The following ELF2 variants were observed in gnomAD, a reference collection of about 807,000 sequenced individuals.
ELF2 encodes ETS-related transcription factor Elf-2.
In ELF2, 11 loss-of-function variants were observed where a neutral mutation model predicts 54.8. The ratio of observed to expected loss-of-function variants is 0.20; its 90% CI spans 0.13 to 0.33. The LOEUF (loss-of-function observed/expected upper bound fraction) is 0.33, where lower values mean the gene tolerates loss of function less well. Among genes scored for constraint, ELF2 ranks in the 10% least tolerant of loss-of-function variants. The pLI is 1.00. For missense variants in ELF2, 513 were observed against 703.0 expected, an observed-to-expected ratio of 0.73 and a Z score of 3.06; for synonymous variants, 203 against 245.1, an observed-to-expected ratio of 0.83 and a Z score of 1.61.
chr4:139,113,426 T>A (rs950276431), intron 4 of ELF2, among the ~76,000 whole-genome samples: 12 of 151,750 alleles, frequency 7.9e-5, no homozygotes, highest in African/African-American at 2.9e-4. Flanking sequence ...GAGGGCGCGG[T>A]GGTGGGTGCC....
At chr4:139,142,056 C>T (rs527646872) in intron 1 of ELF2, among the ~76,000 whole-genome samples, 1 of 152,216 alleles carries the variant, frequency 6.6e-6, no homozygotes, top group South Asian at 2.1e-4. Flanking sequence ...TGAATAAAGG[C>T]AAAGTCCCTG....
intron 1 of ELF2, among the ~76,000 whole-genome samples, chr4:139,148,161 CATATGAATATAATTATATA>C (rs1739442386): frequency 6.7e-6 from 1 of 150,216 alleles, no homozygotes; most frequent in Non-Finnish European, 1.5e-5. Flanking sequence ...CTGGCCATTT[CATATGAATATAATTATATA>C]ATATGTGATT....
chr4:139,113,310 A>G (rs1735174571), intron 4 of ELF2, among the ~76,000 whole-genome samples: 1 of 152,186 alleles, frequency 6.6e-6, no homozygotes, highest in African/African-American at 2.4e-5. Flanking sequence ...GTGAGCCATG[A>G]TCATACCACT....
intron 1 of ELF2, among the ~76,000 whole-genome samples, chr4:139,141,815 A>G (rs951187491): frequency 6.6e-6 from 1 of 151,632 alleles, no homozygotes; most frequent in Admixed American, 6.6e-5. Context: ...GATTCTTTAC[A>G]CTCTTTCTAA....
chr4:139,122,397 T>C (rs1014486655), intron 4 of ELF2, among the ~76,000 whole-genome samples: 1 of 152,244 alleles, frequency 6.6e-6, no homozygotes, highest in African/African-American at 2.4e-5. Context: ...GAAATATGCA[T>C]ACCAATCTTT....
At chr4:139,078,770 C>T (rs529151977) in intron 4 of ELF2, among the ~76,000 whole-genome samples, 1 of 151,728 alleles carries the variant, frequency 6.6e-6, no homozygotes, top group Non-Finnish European at 1.5e-5. Flanking sequence ...AGCTATCCTC[C>T]GACCTTTTTT....
Position 139,057,544 on chromosome 4 carries a change from A to G in ELF2, c.*1439T>C. 1 of 152,234 alleles carries G rather than the reference A, an allele frequency of 6.6e-6. No individual in the cohort carries two copies. Among genetic ancestry groups the G allele is most frequent in the Middle Eastern group, 3.2e-3 (1 of 310 alleles). The allele number at this position is 152,234 out of a possible 1,614,324, so 9.4% of individuals were successfully genotyped here. ...TCCTAATCTGTAAAAGGGCTAGAAGAGTAATTGTTCTTTTTAATCCACAAA... is the reference window on the plus strand; with the variant it reads ...TCCTAATCTGTAAAAGGGCTAGAAGGGTAATTGTTCTTTTTAATCCACAAA... On this transcript the variant is annotated 3_prime_UTR_variant, in exon 10 of 10. Transcript: ENST00000686138.
At chr4:139,086,516 AAT>A (rs1345188952) in intron 4 of ELF2, among the ~76,000 whole-genome samples, 9 of 152,350 alleles carry the variant, frequency 5.9e-5, no homozygotes, top group Middle Eastern at 3.4e-3. Flanking sequence ...TGATTTATTT[AAT>A]AGTCAGGTTT....
intron 4 of ELF2, among the ~76,000 whole-genome samples, chr4:139,076,340 G>A (rs1730312662): frequency 6.6e-6 from 1 of 151,948 alleles, no homozygotes; most frequent in South Asian, 2.1e-4. Flanking sequence ...AGCCTGTGTA[G>A]CTCAACTTTA....
At chr4:139,081,885 C>A (rs1017667965) in intron 4 of ELF2, among the ~76,000 whole-genome samples, 4 of 150,416 alleles carry the variant, frequency 2.7e-5, no homozygotes, top group Non-Finnish European at 5.9e-5. Flanking sequence ...TTGAAAATAA[C>A]TGTATGTAAA....
intron 4 of ELF2, among the ~76,000 whole-genome samples, chr4:139,107,592 A>C (rs140898951): frequency 2.1e-4 from 32 of 152,324 alleles, no homozygotes; most frequent in South Asian, 8.3e-4. Flanking sequence ...ACTATAGTTA[A>C]AAGAGACAGA....
At chr4:139,154,345 GTTCTT>G (rs1262265673) in intron 1 of ELF2, among the ~76,000 whole-genome samples, 1 of 152,032 alleles carries the variant, frequency 6.6e-6, no homozygotes, top group East Asian at 1.9e-4. Flanking sequence ...GACGTATCTA[GTTCTT>G]TTCATTCTTT....
At chr4:139,116,711 G>C (rs1037700971) in intron 4 of ELF2, 9 of 985,224 alleles carry the variant, frequency 9.1e-6, no homozygotes, top group African/African-American at 1.7e-5. Flanking sequence ...ATAGGGGCTC[G>C]TTTTCAGATC....
intron 1 of ELF2, among the ~76,000 whole-genome samples, chr4:139,162,695 G>A (rs1411563880): frequency 6.6e-6 from 1 of 152,006 alleles, no homozygotes; most frequent in Non-Finnish European, 1.5e-5. Context: ...AACACCAATT[G>A]CTGAACATAA....
intron 4 of ELF2, among the ~76,000 whole-genome samples, chr4:139,083,270 C>T (rs1731424667): frequency 6.6e-6 from 1 of 152,164 alleles, no homozygotes; most frequent in South Asian, 2.1e-4. Flanking sequence ...CCTTAACATT[C>T]ACCCACTGTT....
chr4:139,096,783 T>G (rs896499663), intron 4 of ELF2, among the ~76,000 whole-genome samples: 2 of 152,070 alleles, frequency 1.3e-5, no homozygotes, highest in Non-Finnish European at 2.9e-5. Flanking sequence ...ACTATAAAAT[T>G]TTAACATTAT....
chr4:139,097,219 A>C (rs1259743507), intron 4 of ELF2, among the ~76,000 whole-genome samples: 1 of 152,188 alleles, frequency 6.6e-6, no homozygotes, highest in African/African-American at 2.4e-5. Flanking sequence ...TGGAGAGTAC[A>C]GTGGCACAAT....
intron 3 of ELF2, among the ~76,000 whole-genome samples, chr4:139,132,777 C>T (rs549378594): frequency 7.4e-5 from 11 of 149,156 alleles, no homozygotes; most frequent in Admixed American, 2.0e-4. Context: ...ATTATCAGAT[C>T]ACATGGCAAT....
chr4:139,080,889 C>G (rs1731009827), intron 4 of ELF2, among the ~76,000 whole-genome samples: 1 of 150,890 alleles, frequency 6.6e-6, no homozygotes, highest in African/African-American at 2.4e-5. Context: ...AGAAGTTAAC[C>G]TACCAATTAC....
Sources: allele counts gnomAD v4.1 joint callset (sites outside exome capture counted in the v4.1 genomes callset), GRCh38; gene constraint gnomAD v4.1.1; transcripts MANE v1.5; gene names NCBI Gene and HGNC (gene_info 2026-07-23, HGNC 2026-07-21).